RBPMS: variants seen among roughly 807,000 people sequenced by gnomAD.
RBPMS encodes the protein RNA-binding protein with multiple splicing.
In RBPMS, 7 loss-of-function variants were observed where a neutral mutation model predicts 26.8. That is an observed-to-expected ratio of 0.26 (90% CI 0.15 to 0.49). The LOEUF is 0.49. RBPMS is among the 20% of genes least tolerant of loss of function. The pLI, the probability that RBPMS is intolerant of heterozygous loss-of-function variation, is 0.98. For missense variants in RBPMS, 186 were observed against 250.0 expected (o/e 0.74, Z 1.73); for synonymous variants, 96 against 93.3 (o/e 1.03, Z -0.17).
chr8:30,505,320 A>G (rs758908708), intron 5 of RBPMS, among the ~76,000 whole-genome samples: 38 of 152,172 alleles, frequency 2.5e-4, no homozygotes, highest in Non-Finnish European at 5.1e-4. Context: ...CACGGTTGTG[A>G]TCTTCTTCCT....
At chr8:30,520,043 A>G (rs1822863053) in intron 5 of RBPMS, among the ~76,000 whole-genome samples, 1 of 152,182 alleles carries the variant, frequency 6.6e-6, no homozygotes, top group Non-Finnish European at 1.5e-5. Flanking sequence ...TTATAAAATA[A>G]GTAATTTGGG....
chr8:30,544,740 A>T (rs752082000), intron 6 of RBPMS, 116 bp downstream of exon 6: 4 of 1,600,752 alleles, frequency 2.5e-6, no homozygotes, highest in Non-Finnish European at 3.4e-6. Flanking sequence ...TCCACCCTCA[A>T]GAGATTAATG....
intron 4 of RBPMS, among the ~76,000 whole-genome samples, chr8:30,489,081 C>T (rs1819097270): frequency 6.6e-6 from 1 of 152,078 alleles, no homozygotes; most frequent in Admixed American, 6.5e-5. Flanking sequence ...GGGTCTTGTC[C>T]TGTTGCCCAG....
At chr8:30,386,571 A>C (rs1028223150) in intron 1 of RBPMS, among the ~76,000 whole-genome samples, 1 of 152,132 alleles carries the variant, frequency 6.6e-6, no homozygotes, top group Non-Finnish European at 1.5e-5. Context: ...TGCTACTGGC[A>C]TTTCTTTTTT....
At chr8:30,474,711 A>C (rs1436590475) in intron 1 of RBPMS, 68 bp from the exon 2 acceptor site, 29 of 842,774 alleles carry the variant, frequency 3.4e-5, no homozygotes, top group Non-Finnish European at 5.4e-5. Context: ...TGTTTCTGAG[A>C]TATCAGGTGA....
At chr8:30,536,625 T>C (rs1245443636) in intron 5 of RBPMS, among the ~76,000 whole-genome samples, 1 of 152,120 alleles carries the variant, frequency 6.6e-6, no homozygotes, top group Non-Finnish European at 1.5e-5. Flanking sequence ...ACTGTTTTTG[T>C]TTGTTTATAA....
At chr8:30,479,632 C>G (rs775149545) in intron 4 of RBPMS, among the ~76,000 whole-genome samples, 1 of 152,106 alleles carries the variant, frequency 6.6e-6, no homozygotes, top group Non-Finnish European at 1.5e-5. Flanking sequence ...TGATGTGGGT[C>G]TTATTTTAAT....
chr8:30,531,812 T>C lies in RBPMS; in HGVS notation c.398-12682T>C, dbSNP rs141112983. 4.9e-4 allele frequency among the ~76,000 whole-genome samples: 75 copies of C among 152,008 alleles called. 1 individual carries two copies. The East Asian group carries it at 9.1e-3, about 18-fold the overall frequency. On this transcript the variant is annotated intron_variant, in intron 5 of 8. Coordinates refer to ENST00000397323, the MANE Select transcript of RBPMS (RefSeq NM_001008710.3). ...TTTTAGAAGGCAAAGAGATGGAGAGTAAAAGGAAGATAAAATATGGCTATT... is the reference window on the plus strand; with the variant it reads ...TTTTAGAAGGCAAAGAGATGGAGAGCAAAAGGAAGATAAAATATGGCTATT...
chr8:30,482,487 T>C (rs1056510670), intron 4 of RBPMS, among the ~76,000 whole-genome samples: 1 of 152,206 alleles, frequency 6.6e-6, no homozygotes, highest in African/African-American at 2.4e-5. Context: ...ATTAGTCTTT[T>C]CTCAAAATGA....
intron 1 of RBPMS, among the ~76,000 whole-genome samples, chr8:30,454,474 A>G (rs1814966224): frequency 6.6e-6 from 1 of 152,024 alleles, no homozygotes; most frequent in African/African-American, 2.4e-5. Flanking sequence ...TTACTCTGCA[A>G]CTCCTTTTCT....
chr8:30,513,219 C>T (rs906656717), intron 5 of RBPMS, among the ~76,000 whole-genome samples: 7 of 152,020 alleles, frequency 4.6e-5, no homozygotes, highest in African/African-American at 1.7e-4. Context: ...AGAAAGACTT[C>T]AGACTGTGGC....
chr8:30,519,491 T>C (rs1362117949), intron 5 of RBPMS, among the ~76,000 whole-genome samples: 1 of 29,204 alleles, frequency 3.4e-5, no homozygotes, highest in Non-Finnish European at 6.6e-5. Context: ...TTTTTTTTTT[T>C]TTTTTTTTTG....
At chr8:30,544,687 C>T (rs1330590669) in intron 6 of RBPMS, 63 bp downstream of exon 6, 2 of 1,607,804 alleles carry the variant, frequency 1.2e-6, no homozygotes, top group Non-Finnish European at 1.7e-6. Flanking sequence ...AAACTTGGTT[C>T]CCGAGAGCAC....
At chr8:30,437,928 C>T (rs1812647990) in intron 1 of RBPMS, among the ~76,000 whole-genome samples, 1 of 151,886 alleles carries the variant, frequency 6.6e-6, no homozygotes, top group African/African-American at 2.4e-5. Context: ...TACTGCACTC[C>T]AGCCTGGGTG....
In RBPMS at chr8:30,533,071, T is replaced by C. The variant is rs116313118; in HGVS notation, c.398-11423T>C. On this transcript the variant is annotated intron_variant, in intron 5 of 8. Coordinates refer to ENST00000397323, the MANE Select transcript of RBPMS (RefSeq NM_001008710.3). The stretch of plus-strand genomic sequence containing the variant: ...AAATGTGAGAGTAGCCCTGACCAAA[T>C]TGACATTTTTGGATCTTGTGGGCTT... Among the ~76,000 whole-genome samples, 1,077 of 152,320 alleles carry C rather than the reference T, an allele frequency of 7.1e-3. 13 individuals carry two copies. Among genetic ancestry groups the C allele is most frequent in the African/African-American group, 0.025 (1,020 of 41,572 alleles).
intron 5 of RBPMS, among the ~76,000 whole-genome samples, chr8:30,515,429 C>T (rs1215629149): frequency 6.6e-6 from 1 of 152,102 alleles, no homozygotes; most frequent in East Asian, 1.9e-4. Context: ...AAATATTACT[C>T]CTTTGACCAG....
chr8:30,409,816 A>G (rs780348200), intron 1 of RBPMS, among the ~76,000 whole-genome samples: 2 of 151,900 alleles, frequency 1.3e-5, no homozygotes, highest in African/African-American at 2.4e-5. Context: ...TAGTTTTAGT[A>G]GAGACGGGGT....
Position 30,544,645 on chromosome 8 carries a change from A to G in RBPMS, c.528+21A>G, listed in dbSNP as rs575125920. The G allele has an allele frequency of 5.0e-6, 8 of 1,613,360 alleles. No homozygotes were observed. In the African/African-American group the frequency reaches 1.1e-4, roughly 21 times the overall value. ...CCCAGGTAATTGATACCCATCGGCC[A>G]GGACTTCACTCACTTCACCACCAGT... On this transcript the variant is annotated intron_variant, in intron 6 of 8. Coordinates refer to ENST00000397323, the MANE Select transcript of RBPMS (RefSeq NM_001008710.3).
intron 1 of RBPMS, among the ~76,000 whole-genome samples, chr8:30,442,307 T>C (rs529822864): frequency 6.6e-6 from 1 of 152,252 alleles, no homozygotes; most frequent in East Asian, 1.9e-4. Flanking sequence ...TTTAGGCTTC[T>C]TTACACTCCA....
Sources: allele counts gnomAD v4.1 joint callset (sites outside exome capture counted in the v4.1 genomes callset), GRCh38; gene constraint gnomAD v4.1.1; transcripts MANE v1.5; gene names NCBI Gene and HGNC (gene_info 2026-07-23, HGNC 2026-07-21).